The following PLCH1 variants were observed in gnomAD, a reference collection of about 807,000 sequenced individuals.
PLCH1 encodes phospholipase C eta 1.
PLCH1 carries 60 observed loss-of-function variants against 126.7 expected under a neutral mutation model. The ratio of observed to expected loss-of-function variants is 0.47; its 90% confidence interval spans 0.38 to 0.59. The LOEUF (loss-of-function observed/expected upper bound fraction) is 0.59. PLCH1 is among the 20% of genes least tolerant of loss of function. PLCH1 has a pLI of 0.00. For missense variants in PLCH1, 1,723 were observed against 2,040.0 expected, an observed-to-expected ratio of 0.84 and a Z score of 2.99; for synonymous variants, 719 against 734.9, an observed-to-expected ratio of 0.98 and a Z score of 0.35.
intron 2 of PLCH1, among the ~76,000 whole-genome samples, chr3:155,663,323 G>A (rs1376529544): frequency 6.6e-6 from 1 of 152,180 alleles, no homozygotes; most frequent in African/African-American, 2.4e-5. Context: ...TGTAACCTGT[G>A]ATTTAATCAA....
Position 155,482,767 on chromosome 3 carries a change from C to T in PLCH1, c.3259G>A (p.Val1087Ile), listed in dbSNP as rs755249923. 1.9e-6 allele frequency: 3 copies of T among 1,614,162 alleles called. No individual in the cohort carries two copies. The South Asian group carries it at 3.3e-5, about 18-fold the overall frequency. ...TGCAGATCTTGTGTGGGGTTAACTA[C>T]AGGATCGGGAGCCAAATGCTGCTTT... is the stretch of plus-strand genomic sequence containing the variant. ...SPKQHLAPDP[V>I]VNPTQDLHGV... is the part of the protein sequence containing the mutation. Residue 1087 changes from valine to isoleucine, a missense_variant, in exon 23 of 23, where the codon GTA becomes ATA. Val to Ile is a conservative substitution (Grantham distance 29). Transcript: ENST00000460012.
intron 21 of PLCH1, among the ~76,000 whole-genome samples, chr3:155,456,392 G>A (rs1260099112): frequency 6.6e-6 from 1 of 151,862 alleles, no homozygotes; most frequent in African/African-American, 2.4e-5. Context: ...TTTGTGTTGG[G>A]CCACATTCAA....
Position 155,745,032 on chromosome 3 carries a change from G to A in PLCH1, c.-233C>T, listed in dbSNP as rs909224359. ...CCAGCAGAAGCCCCAGACGAGCGGG[G>A]AAGAGCAGGGCGCCGCCGCCACAAC... On this transcript the variant is annotated 5_prime_UTR_variant, in exon 1 of 23. Coordinates refer to ENST00000460012, the MANE Select transcript of PLCH1 (RefSeq NM_014996.4). 6.5e-6 allele frequency: 1 copy of A among 152,702 alleles called. No individual in the cohort carries two copies. Among genetic ancestry groups the A allele is most frequent in the African/African-American group, 2.4e-5 (1 of 41,462 alleles). 9.5% of individuals were successfully genotyped at this position (152,702 alleles called of 1,614,324 possible).
intron 12 of PLCH1, among the ~76,000 whole-genome samples, chr3:155,510,209 T>C (rs1230809587): frequency 9.0e-6 from 1 of 110,616 alleles, no homozygotes; most frequent in Non-Finnish European, 1.8e-5. Context: ...ATTGGCTTGG[T>C]GGATCTTCCT....
rs1728761672 is a variant in PLCH1 at position 155,568,215 on chromosome 3, A to C, written c.865+16T>G. ...TGAATCAAGAAATGAGAAATAAAGA[A>C]TATTGGTTATTTTACCTTCTATGCC... is the stretch of plus-strand genomic sequence containing the variant. On this transcript the variant is annotated intron_variant, in intron 7 of 22. Coordinates refer to ENST00000460012, the MANE Select transcript of PLCH1 (RefSeq NM_014996.4). 5 of 1,078,374 alleles carry C rather than the reference A, an allele frequency of 4.6e-6. No homozygotes were observed. The African/African-American group carries it at 6.3e-5, about 13-fold the overall frequency. 66.8% of individuals were successfully genotyped at this position (1,078,374 alleles called of 1,614,324 possible).
intron 1 of PLCH1, among the ~76,000 whole-genome samples, chr3:155,720,382 T>C (rs1363495226): frequency 4.2e-5 from 5 of 120,228 alleles, no homozygotes; most frequent in South Asian, 2.9e-4. Context: ...CTGACATCTA[T>C]TATTTTTTTA....
intron 21 of PLCH1, chr3:155,486,152 T>A: frequency 6.5e-7 from 1 of 1,540,692 alleles, no homozygotes; most frequent in Non-Finnish European, 8.8e-7. Context: ...ACTACCTTTG[T>A]AGCTCCTAGA....
In PLCH1 at chr3:155,519,816, C is replaced by T. The variant is rs1490895674; in HGVS notation, c.1470+4081G>A. Among the ~76,000 whole-genome samples, 6 of 133,910 alleles carry T rather than the reference C, an allele frequency of 4.5e-5. No homozygotes were observed. The South Asian group carries it at 1.6e-3, about 35-fold the overall frequency. 87.9% of individuals were successfully genotyped at this position (133,910 alleles called of 152,430 possible). On this transcript the variant is annotated intron_variant, in intron 11 of 22. Transcript: ENST00000460012. ...AAAAAAAAAGGCAAAAAACTAAAAA[C>T]TGAAGTATTTCAACATCCCCCCAAT...
chr3:155,565,159 A>G (rs1182547686), intron 7 of PLCH1, 41 bp from the exon 8 acceptor site: 2 of 1,380,744 alleles, frequency 1.4e-6, no homozygotes, highest in East Asian at 4.6e-5. Context: ...CTTTCAAAGC[A>G]TATATACTTA....
intron 11 of PLCH1, among the ~76,000 whole-genome samples, chr3:155,522,710 CT>C (rs76460443): frequency 0.025 from 3,543 of 140,812 alleles, 89 homozygotes; most frequent in African/African-American, 0.057. Context: ...ATTTCTCTCT[CT>C]TTTTTTTTTT....
intron 5 of PLCH1, among the ~76,000 whole-genome samples, chr3:155,585,582 A>C (rs1424713308): frequency 6.6e-6 from 1 of 152,142 alleles, no homozygotes; most frequent in Non-Finnish European, 1.5e-5. Flanking sequence ...TCTAACCAAC[A>C]AGGAGTTGAA....
chr3:155,682,443 A>G (rs1484235094), intron 2 of PLCH1, among the ~76,000 whole-genome samples: 1 of 152,202 alleles, frequency 6.6e-6, no homozygotes, highest in Non-Finnish European at 1.5e-5. Context: ...GCACTTCACA[A>G]ACAAAAGTGT....
rs557369057 is a variant in PLCH1, at chr3:155,737,231, C to CAAAAAAAAAAAAAAAAAAAAAA, written c.-41+7608_-41+7609insTTTTTTTTTTTTTTTTTTTTTT. On this transcript the variant is annotated intron_variant, in intron 1 of 22. Transcript: ENST00000460012. ...TGGGTGACAGAGCAAGCCTCCGTCT[C>CAAAAAAAAAAAAAAAAAAAAAA]AAAAAAAAAAAAAAAAAAGAGTATA... Among the ~76,000 whole-genome samples the CAAAAAAAAAAAAAAAAAAAAAA allele has an allele frequency of 3.4e-4, 20 of 59,520 alleles. 1 individual carries two copies. Among genetic ancestry groups the CAAAAAAAAAAAAAAAAAAAAAA allele is most frequent in the African/African-American group, 7.5e-4 (13 of 17,434 alleles). 39.0% of individuals were successfully genotyped at this position (59,520 alleles called of 152,430 possible).
chr3:155,704,321 A>G (rs1354164296), intron 1 of PLCH1, 57 bp from the exon 2 acceptor site: 1 of 437,490 alleles, frequency 2.3e-6, no homozygotes, highest in African/African-American at 2.0e-5. Context: ...ACACGCTCAC[A>G]CTGGTAGCAT....
chr3:155,588,031 G>A (rs959536169), intron 4 of PLCH1, among the ~76,000 whole-genome samples: 1 of 152,176 alleles, frequency 6.6e-6, no homozygotes, highest in African/African-American at 2.4e-5. Context: ...TATCAGAGGA[G>A]AGGGTACAGC....
intron 15 of PLCH1, 29 bp from the exon 16 acceptor site, chr3:155,494,546 A>C (rs1716732712): frequency 4.5e-6 from 7 of 1,563,754 alleles, no homozygotes; most frequent in Non-Finnish European, 4.4e-6. Context: ...GAAAAAAGGA[A>C]GTGAGAACTA....
At chr3:155,559,201 C>A (rs1303219892) in intron 8 of PLCH1, among the ~76,000 whole-genome samples, 1 of 152,082 alleles carries the variant, frequency 6.6e-6, no homozygotes, top group Admixed American at 6.6e-5. Context: ...AGCTTCCAAG[C>A]TTCCTAACCT....
chr3:155,660,848 C>T (rs1742050167), intron 2 of PLCH1, among the ~76,000 whole-genome samples: 1 of 152,270 alleles, frequency 6.6e-6, no homozygotes, highest in South Asian at 2.1e-4. Context: ...GAGTGACTCC[C>T]CTAGAGTGAC....
intron 11 of PLCH1, among the ~76,000 whole-genome samples, chr3:155,521,942 A>C (rs1276924566): frequency 6.6e-6 from 1 of 152,250 alleles, no homozygotes; most frequent in East Asian, 1.9e-4. Context: ...ATCATGTTCC[A>C]AACCATCTCC....
Sources: allele counts gnomAD v4.1 joint callset (sites outside exome capture counted in the v4.1 genomes callset), GRCh38; gene constraint gnomAD v4.1.1; transcripts MANE v1.5; gene names NCBI Gene and HGNC (gene_info 2026-07-23, HGNC 2026-07-21).